Variants in NTM observed in about 807,000 individuals in gnomAD.
NTM encodes the protein IgLON family member 2.
In NTM, 13 loss-of-function variants were observed where a neutral mutation model predicts 42.1. The observed-to-expected ratio is 0.31, with a 90% CI of 0.20 to 0.49. The LOEUF (loss-of-function observed/expected upper bound fraction) is 0.49, where lower values mean the gene tolerates loss of function less well. NTM is among the 20% of genes least tolerant of loss of function. The probability of loss-of-function intolerance (pLI) is 0.99; values close to 1 mark genes in which losing one functional copy is unlikely to be tolerated. For missense variants in NTM, 373 were observed against 452.8 expected, an observed-to-expected ratio of 0.82 and a Z score of 1.60; for synonymous variants, 187 against 179.2, an observed-to-expected ratio of 1.04 and a Z score of -0.35.
intron 3 of NTM, among the ~76,000 whole-genome samples, chr11:132,202,970 T>G (rs2081377963): frequency 6.6e-6 from 1 of 152,200 alleles, no homozygotes. Flanking sequence ...GTGAAGAGAA[T>G]AATAATCCAC....
intron 1 of NTM, among the ~76,000 whole-genome samples, chr11:131,554,980 T>G (rs1355694785): frequency 6.6e-6 from 1 of 152,124 alleles, no homozygotes; most frequent in Non-Finnish European, 1.5e-5. Context: ...TTAGGTCTTT[T>G]AAAAAAGCTA....
intron 1 of NTM, among the ~76,000 whole-genome samples, chr11:131,385,584 G>T (rs1257562325): frequency 3.3e-5 from 5 of 152,172 alleles, no homozygotes. Flanking sequence ...TGGGCTCAGT[G>T]GTTCCTGCCT....
At chr11:131,545,997 G>A (rs938340498) in intron 1 of NTM, among the ~76,000 whole-genome samples, 10 of 152,072 alleles carry the variant, frequency 6.6e-5, no homozygotes, top group African/African-American at 2.4e-4. Context: ...AGTGGGAGGG[G>A]GACCTTTACA....
intron 1 of NTM, among the ~76,000 whole-genome samples, chr11:131,389,485 T>C (rs888190624): frequency 6.6e-6 from 1 of 152,222 alleles, no homozygotes; most frequent in Non-Finnish European, 1.5e-5. Context: ...TACTTCCCGC[T>C]GTGCTTCTCT....
chr11:132,314,499 T>A, intron 6 of NTM, 53 bp from the exon 7 acceptor site: 1 of 1,557,554 alleles, frequency 6.4e-7, no homozygotes, highest in South Asian at 1.3e-5. Flanking sequence ...CTTCTTCCTA[T>A]GAGGACACAT....
chr11:132,112,230 G>T (rs1054464979), intron 2 of NTM, among the ~76,000 whole-genome samples: 1 of 151,788 alleles, frequency 6.6e-6, no homozygotes, highest in Admixed American at 6.6e-5. Flanking sequence ...AATTGAATCA[G>T]TCTTGCCACC....
intron 1 of NTM, among the ~76,000 whole-genome samples, chr11:131,719,593 G>A (rs2078102927): frequency 6.6e-6 from 1 of 152,128 alleles, no homozygotes; most frequent in African/African-American, 2.4e-5. Flanking sequence ...CTTTCTGGAT[G>A]GTCCTCTGGG....
intron 1 of NTM, among the ~76,000 whole-genome samples, chr11:131,592,199 A>G (rs2059422392): frequency 1.3e-5 from 2 of 152,162 alleles, no homozygotes; most frequent in African/African-American, 4.8e-5. Context: ...GGGAGGCAGA[A>G]TTACTGGGCT....
chr11:132,211,375 G>C (rs547090610), intron 3 of NTM, among the ~76,000 whole-genome samples: 9 of 152,346 alleles, frequency 5.9e-5, no homozygotes, highest in African/African-American at 2.2e-4. Context: ...ACTCCAGCCT[G>C]GGTGACAAAG....
intron 1 of NTM, among the ~76,000 whole-genome samples, chr11:131,850,305 A>G (rs1193362437): frequency 6.6e-6 from 1 of 152,194 alleles, no homozygotes; most frequent in African/African-American, 2.4e-5. Context: ...TGAAGCTATT[A>G]GAAGACATTA....
intron 1 of NTM, among the ~76,000 whole-genome samples, chr11:131,726,132 G>C (rs888897329): frequency 1.3e-5 from 2 of 152,180 alleles, no homozygotes; most frequent in African/African-American, 4.8e-5. Context: ...CATGAGAAAA[G>C]CAGACTGGTT....
chr11:132,318,134 A>G (rs1210133607), intron 7 of NTM, among the ~76,000 whole-genome samples: 2 of 152,146 alleles, frequency 1.3e-5, no homozygotes, highest in African/African-American at 4.8e-5. Flanking sequence ...AGGTTCTCCA[A>G]AGGAGGAGGA....
intron 2 of NTM, among the ~76,000 whole-genome samples, chr11:132,078,548 T>C (rs2058651442): frequency 1.3e-5 from 2 of 152,204 alleles, no homozygotes; most frequent in South Asian, 4.1e-4. Context: ...GAACTGGGAG[T>C]CTGAAATAAT....
chr11:131,876,972 C>T (rs1592468282), intron 1 of NTM, among the ~76,000 whole-genome samples: 1 of 151,898 alleles, frequency 6.6e-6, no homozygotes, highest in Middle Eastern at 3.4e-3. Context: ...AATTCTTGTG[C>T]CACAGCCTCC....
chr11:131,422,316 C>T (rs958189904), intron 1 of NTM, among the ~76,000 whole-genome samples: 1 of 152,152 alleles, frequency 6.6e-6, no homozygotes, highest in East Asian at 1.9e-4. Flanking sequence ...ACACCCTTGC[C>T]GGGGTCTGAA....
At chr11:131,927,521 C>T (rs1020483112) in intron 2 of NTM, among the ~76,000 whole-genome samples, 1 of 152,220 alleles carries the variant, frequency 6.6e-6, no homozygotes, top group African/African-American at 2.4e-5. Flanking sequence ...GCAGCTTTGT[C>T]TTTTCACCTA....
chr11:132,307,003 C>T (rs534168997), intron 4 of NTM, among the ~76,000 whole-genome samples: 6 of 152,250 alleles, frequency 3.9e-5, no homozygotes, highest in South Asian at 2.1e-4. Flanking sequence ...TGAGTGGATT[C>T]GCAGCCACGT....
At chr11:131,838,165 G>A (rs1227050120) in intron 1 of NTM, among the ~76,000 whole-genome samples, 1 of 151,798 alleles carries the variant, frequency 6.6e-6, no homozygotes, top group Non-Finnish European at 1.5e-5. Context: ...AGGACGACTC[G>A]GTTCCAGCAT....
At chr11:132,088,901 C>T (rs1277294272) in intron 2 of NTM, among the ~76,000 whole-genome samples, 1 of 103,422 alleles carries the variant, frequency 9.7e-6, no homozygotes, top group Non-Finnish European at 2.0e-5. Context: ...AAATGGGTCC[C>T]CTTTAAAGAT....
Sources: gnomAD v4.1 joint callset for allele counts (sites outside exome capture counted in the v4.1 genomes callset) on GRCh38, gnomAD v4.1.1 for gene constraint, MANE v1.5 for transcripts, NCBI Gene and HGNC (gene_info 2026-07-23, HGNC 2026-07-21) for gene names.